The following DPH7 variants were observed in gnomAD, a reference collection of about 807,000 sequenced individuals.
DPH7 encodes diphthamide biosynthesis 7, also known as diphthine methyltransferase.
A neutral mutation model predicts 41.7 loss-of-function variants in DPH7; 44 were observed. The ratio of observed to expected loss-of-function variants is 1.05; its 90% CI spans 0.83 to 1.36. The LOEUF (loss-of-function observed/expected upper bound fraction) is 1.36. Ranked by LOEUF, DPH7 falls within the 40% of genes most tolerant of loss-of-function variation. The pLI is 0.00. For synonymous variants in DPH7, 275 were observed against 238.0 expected (o/e 1.16, Z -1.43); for missense variants, 629 against 577.5 (o/e 1.09, Z -0.91).
intron 1 of DPH7, chr9:137,578,038 C>A (rs554224450): frequency 4.1e-6 from 4 of 983,784 alleles, no homozygotes; most frequent in Admixed American, 1.2e-4. Flanking sequence ...TTAAAGTTGG[C>A]CGGGGGCGGT....
intron 5 of DPH7, 33 bp from the exon 6 acceptor site, chr9:137,565,187 A>T (rs1839399525): frequency 6.2e-7 from 1 of 1,605,704 alleles, no homozygotes; most frequent in Non-Finnish European, 8.5e-7. Flanking sequence ...CAACACCACT[A>T]ATGACAGGAA....
At chr9:137,574,715 G>A in intron 4 of DPH7, 37 bp downstream of exon 4, 1 of 1,597,000 alleles carries the variant, frequency 6.3e-7, no homozygotes. Context: ...GGTTCTCAGA[G>A]AAAGACTCAG....
chr9:137,576,827 T>C (rs1370455922), intron 2 of DPH7, among the ~76,000 whole-genome samples: 2 of 151,844 alleles, frequency 1.3e-5, no homozygotes, highest in East Asian at 1.9e-4. Flanking sequence ...GAGGCGGAGC[T>C]TGCAGTGAGC....
In DPH7 at chr9:137,575,478, C is replaced by T; in HGVS notation, c.375+602G>A. Reference sequence around the variant, plus strand: ...TCTTTCCCTCCTTTCTAAGACAGGGCAACTGCTCTAAGCTGCCTTAAGCAA... The same window carrying T: ...TCTTTCCCTCCTTTCTAAGACAGGGTAACTGCTCTAAGCTGCCTTAAGCAA... On this transcript the variant is annotated intron_variant, in intron 3 of 8. Coordinates refer to ENST00000277540, the MANE Select transcript of DPH7 (RefSeq NM_138778.5). 5.1e-6 allele frequency: 5 copies of T among 988,992 alleles called. No homozygotes were observed. The South Asian group carries it at 1.9e-4, about 37-fold the overall frequency. The allele number at this position is 988,992 out of a possible 1,614,324, so 61.3% of individuals were successfully genotyped here. A position where few individuals can be genotyped will look rare whatever the true frequency, so the allele number is the denominator to read the frequency against.
At position 137,576,116 on chromosome 9, in the gene DPH7, A is replaced by G. The variant is rs907927646; in HGVS notation, c.339T>C (p.Ser113=). The stretch of plus-strand genomic sequence containing the variant: ...CCAGGCGGAGCAGTTGTATGGATCC[A>G]CTGGCATCTGCCAAGCCCAAGAGGG... ...GHALLGLADA[S]GSIQLLRLVE... is the part of the protein sequence containing the mutation. Residue 113 remains serine, a synonymous_variant, in exon 3 of 9, where the codon AGT becomes AGC. Transcript: ENST00000277540. 3 of 1,613,788 alleles carry G rather than the reference A, an allele frequency of 1.9e-6. No homozygotes were observed. Among genetic ancestry groups the G allele is most frequent in the African/African-American group, 1.3e-5 (1 of 74,940 alleles).
intron 8 of DPH7, among the ~76,000 whole-genome samples, chr9:137,560,651 A>G (rs34708828): frequency 0.054 from 8,192 of 152,106 alleles, 740 homozygotes; most frequent in African/African-American, 0.19. Context: ...TCAGGAGATC[A>G]AGACCATCCT....
At chr9:137,577,665 G>C in intron 1 of DPH7, 62 bp from the exon 2 acceptor site, 1 of 1,584,520 alleles carries the variant, frequency 6.3e-7, no homozygotes. Flanking sequence ...CAAAGGATGG[G>C]AAAAGGGATC....
At chr9:137,564,378 G>A in intron 8 of DPH7, 56 bp downstream of exon 8, 2 of 1,563,308 alleles carry the variant, frequency 1.3e-6, no homozygotes, top group Non-Finnish European at 1.7e-6. Context: ...GCAGAGCGAG[G>A]GGGCAGGGAA....
chr9:137,555,859 G>A (rs745740859), intron 8 of DPH7, among the ~76,000 whole-genome samples: 5 of 152,240 alleles, frequency 3.3e-5, no homozygotes, highest in Non-Finnish European at 4.4e-5. Flanking sequence ...ACACGCCTGT[G>A]TGCCTCCAAG....
chr9:137,557,670 T>C (rs1837755024), intron 8 of DPH7, among the ~76,000 whole-genome samples: 1 of 147,320 alleles, frequency 6.8e-6, no homozygotes, highest in Admixed American at 6.8e-5. Context: ...AGCACAAAAA[T>C]TAGCCAGGCA....
In DPH7 at chr9:137,555,513, G is replaced by A; in HGVS notation, c.1085C>T (p.Thr362Ile). The change falls in exon 9 of 9, where the codon ACC becomes ATC. Residue 362 changes from threonine to isoleucine, a missense_variant. Coordinates refer to ENST00000277540, the MANE Select transcript of DPH7 (RefSeq NM_138778.5). ...PSWSFPSNLG[T>I]KTADLKGASE... is the part of the protein sequence containing the mutation. ...TGCACCCTTCAGGTCTGCCGTCTTG[G>A]TTCCTAGGTTGCTAGGAAAGGACCA... is the stretch of plus-strand genomic sequence containing the variant. 1 of 1,614,102 alleles carries A rather than the reference G, an allele frequency of 6.2e-7. No homozygotes were observed. Among genetic ancestry groups the A allele is most frequent in the South Asian group, 1.1e-5 (1 of 91,078 alleles).
At position 137,555,161 on chromosome 9, in the gene DPH7, C is replaced by G. The variant is rs374114467; in HGVS notation, c.*78G>C. The stretch of plus-strand genomic sequence containing the variant: ...ACCTGCAGGGCTGCAGTAAGCATCT[C>G]TGATGAGGTGGTCCCGGGCACTCAC... On this transcript the variant is annotated 3_prime_UTR_variant, in exon 9 of 9. Transcript: ENST00000277540. 38 of 1,501,016 alleles carry G rather than the reference C, an allele frequency of 2.5e-5. No homozygotes were observed. The East Asian group carries it at 3.0e-4, about 12-fold the overall frequency. The allele number at this position is 1,501,016 out of a possible 1,614,324, so 93.0% of individuals were successfully genotyped here.
intron 8 of DPH7, among the ~76,000 whole-genome samples, chr9:137,560,977 G>A (rs1227567532): frequency 1.5e-4 from 21 of 142,730 alleles, no homozygotes; most frequent in South Asian, 4.4e-4. Context: ...GGCCGAGATC[G>A]TGCCACTGCA....
rs371631910 is a variant in DPH7, at chr9:137,556,542, G to A, written c.950-894C>T. ...CGCACTGGATTACAAAACGTGCCGA[G>A]GTTGTATGGGCCTGGGCCGGGGAGG... On this transcript the variant is annotated intron_variant, in intron 8 of 8. Coordinates refer to ENST00000277540, the MANE Select transcript of DPH7 (RefSeq NM_138778.5). The surrounding 1 kb of genome is among the most constrained non-coding windows in gnomAD (Gnocchi z 5.2). The A allele has an allele frequency of 6.1e-4, 180 of 294,048 alleles. 1 individual carries two copies. The highest frequency in any genetic ancestry group is 3.8e-3 in the African/African-American group (171 of 44,908). 18.2% of individuals were successfully genotyped at this position (294,048 alleles called of 1,614,324 possible). A position where few individuals can be genotyped will look rare whatever the true frequency, so the allele number is the denominator to read the frequency against.
intron 8 of DPH7, among the ~76,000 whole-genome samples, chr9:137,563,271 G>A (rs1167235076): frequency 7.9e-5 from 12 of 152,098 alleles, no homozygotes; most frequent in African/African-American, 2.4e-4. Flanking sequence ...GGTGGCTCAC[G>A]CCTGTAATCC....
At chr9:137,569,411 C>G (rs1411122335) in intron 5 of DPH7, among the ~76,000 whole-genome samples, 1 of 129,760 alleles carries the variant, frequency 7.7e-6, no homozygotes, top group Non-Finnish European at 1.6e-5. Context: ...ATCCAAAAAT[C>G]CATCCATCCA....
At chr9:137,565,195 G>A (rs1839401915) in intron 5 of DPH7, 41 bp from the exon 6 acceptor site, 1 of 1,604,488 alleles carries the variant, frequency 6.2e-7, no homozygotes, top group Non-Finnish European at 8.5e-7. Flanking sequence ...CTAATGACAG[G>A]AAATGAGTGT....
chr9:137,578,514 T>C (rs567231902), intron 1 of DPH7, 111 bp downstream of exon 1: 3 of 1,240,956 alleles, frequency 2.4e-6, no homozygotes, highest in African/African-American at 3.2e-5. Context: ...GCCTACCTCC[T>C]GGCCAAAGGG....
chr9:137,564,093 G>A (rs1204774333), intron 8 of DPH7, among the ~76,000 whole-genome samples: 3 of 152,178 alleles, frequency 2.0e-5, no homozygotes, highest in African/African-American at 7.2e-5. Context: ...GGCAGGAAGA[G>A]CATGGGAGAG....
Sources: gnomAD v4.1 joint callset for allele counts (sites outside exome capture counted in the v4.1 genomes callset) on GRCh38, gnomAD v4.1.1 for gene constraint, Gnocchi (gnomAD v3.1) non-coding constraint, MANE v1.5 for transcripts, NCBI Gene and HGNC (gene_info 2026-07-23, HGNC 2026-07-21) for gene names.